Variants in VGLL4 observed in about 807,000 individuals in gnomAD.
VGLL4 encodes vestigial like family member 4, also known as transcription cofactor vestigial-like protein 4.
In VGLL4, 7 loss-of-function variants were observed where a neutral mutation model predicts 21.0. The ratio of observed to expected loss-of-function variants is 0.33; its 90% CI spans 0.19 to 0.63. The LOEUF (loss-of-function observed/expected upper bound fraction) is 0.63. Among genes scored for constraint, VGLL4 ranks in the 20% least tolerant of loss-of-function variants. The pLI, the probability that VGLL4 is intolerant of heterozygous loss-of-function variation, is 0.78. For missense variants in VGLL4, 394 were observed against 425.7 expected, an observed-to-expected ratio of 0.93 and a Z score of 0.66; for synonymous variants, 222 against 173.2, an observed-to-expected ratio of 1.28 and a Z score of -2.21.
At chr3:11,709,677 T>C (rs2076813410) in intron 1 of VGLL4, among the ~76,000 whole-genome samples, 2 of 152,160 alleles carry the variant, frequency 1.3e-5, no homozygotes, top group Non-Finnish European at 2.9e-5. Flanking sequence ...TCATATGTTC[T>C]TCCAAATAAC....
At chr3:11,578,591 ACT>A (rs556519877) in intron 2 of VGLL4, among the ~76,000 whole-genome samples, 68 of 149,808 alleles carry the variant, frequency 4.5e-4, no homozygotes, top group African/African-American at 1.6e-3. Flanking sequence ...GAACTCAGAA[ACT>A]CTGCAAAAAA....
chr3:11,661,435 T>TTTTATTTATTTATTTA (rs56380247), intron 2 of VGLL4, among the ~76,000 whole-genome samples: 42 of 148,120 alleles, frequency 2.8e-4, no homozygotes, highest in South Asian at 4.3e-4. Context: ...ACATTTTTCC[T>TTTTATTTATTTATTTA]TTTATTTATT....
intron 2 of VGLL4, among the ~76,000 whole-genome samples, chr3:11,569,125 A>G (rs998620301): frequency 6.6e-6 from 1 of 152,192 alleles, no homozygotes; most frequent in African/African-American, 2.4e-5. Context: ...CCATCACGTG[A>G]AAGAAGTGCA....
intron 1 of VGLL4, among the ~76,000 whole-genome samples, chr3:11,717,936 T>C (rs1225617568): frequency 6.6e-6 from 1 of 152,184 alleles, no homozygotes; most frequent in Non-Finnish European, 1.5e-5. Context: ...ATAAATCTAG[T>C]CAGTGACACT....
At chr3:11,710,830 T>C (rs1337702235) in intron 1 of VGLL4, among the ~76,000 whole-genome samples, 3 of 152,320 alleles carry the variant, frequency 2.0e-5, no homozygotes, top group African/African-American at 7.2e-5. Context: ...CTGGGCACCG[T>C]GGCTCATGCA....
chr3:11,671,132 G>A (rs974471396), intron 2 of VGLL4: 13 of 1,074,648 alleles, frequency 1.2e-5, no homozygotes, highest in Non-Finnish European at 1.7e-5. Context: ...CACAAAAAGT[G>A]TTTTCATGAA....
chr3:11,665,614 G>C (rs190515734), intron 2 of VGLL4, among the ~76,000 whole-genome samples: 68 of 152,326 alleles, frequency 4.5e-4, no homozygotes, highest in African/African-American at 1.6e-3. Context: ...AGGAAGCCAA[G>C]TCCTGACCAT....
At chr3:11,618,812 A>G (rs1049037255) in intron 1 of VGLL4, among the ~76,000 whole-genome samples, 5 of 152,234 alleles carry the variant, frequency 3.3e-5, no homozygotes, top group African/African-American at 1.2e-4. Context: ...TGTGAAGGTG[A>G]AGGAGGTTTC....
In VGLL4 at chr3:11,565,063, C is replaced by T. The variant is rs2073401998; in HGVS notation, c.273-44G>A. ...CATTCAGGGGGCGTTTTCTCAAAGG[C>T]AAAGGGGACAGTGACTGTGCGCCAG... is the stretch of plus-strand genomic sequence containing the variant. On this transcript the variant is annotated intron_variant, in intron 2 of 4. Coordinates refer to ENST00000430365, the MANE Select transcript of VGLL4 (RefSeq NM_001128219.3). The surrounding 1 kb of genome is among the most constrained non-coding windows in gnomAD (Gnocchi z 4.1). The T allele has an allele frequency of 6.9e-7, 1 of 1,450,622 alleles. No homozygotes were observed. The highest frequency in any genetic ancestry group is 1.5e-5 in the African/African-American group (1 of 68,462). The allele number at this position is 1,450,622 out of a possible 1,614,324, so 89.9% of individuals were successfully genotyped here. A position where few individuals can be genotyped will look rare whatever the true frequency, so the allele number is the denominator to read the frequency against.
intron 2 of VGLL4, among the ~76,000 whole-genome samples, chr3:11,588,329 A>G (rs971721829): frequency 3.3e-5 from 5 of 152,214 alleles, no homozygotes; most frequent in South Asian, 4.1e-4. Flanking sequence ...CGTTTTACAC[A>G]AAGTAGTATT....
chr3:11,601,376 G>A lies in VGLL4; in HGVS notation c.272+457C>T, dbSNP rs902358565. The stretch of plus-strand genomic sequence containing the variant: ...AGGTGGGATGAACACTTCTTCGTGT[G>A]TACAATCCTAGACTCCTGAGTAAGA... On this transcript the variant is annotated intron_variant, in intron 2 of 4. Transcript: ENST00000430365. Among the ~76,000 whole-genome samples, 65 of 152,154 alleles carry A rather than the reference G, an allele frequency of 4.3e-4. 2 individuals carry two copies. The highest frequency in any genetic ancestry group is 1.2e-4 in the Non-Finnish European group (8 of 68,012).
intron 2 of VGLL4, among the ~76,000 whole-genome samples, chr3:11,649,198 T>C (rs533076045): frequency 1.3e-5 from 2 of 152,310 alleles, no homozygotes; most frequent in South Asian, 4.1e-4. Context: ...TAATCTATAA[T>C]GACATGAGGA....
At chr3:11,597,878 T>C (rs917504581) in intron 2 of VGLL4, among the ~76,000 whole-genome samples, 22 of 152,134 alleles carry the variant, frequency 1.4e-4, no homozygotes, top group African/African-American at 5.3e-4. Flanking sequence ...AAAAAATTAA[T>C]AATGAGTTCA....
At chr3:11,588,206 A>T (rs1269830078) in intron 2 of VGLL4, among the ~76,000 whole-genome samples, 1 of 152,218 alleles carries the variant, frequency 6.6e-6, no homozygotes, top group Non-Finnish European at 1.5e-5. Flanking sequence ...GGTGTCAGGC[A>T]CTGGGAGGGT....
chr3:11,705,238 G>C (rs2076742303), intron 1 of VGLL4, among the ~76,000 whole-genome samples: 1 of 152,226 alleles, frequency 6.6e-6, no homozygotes, highest in African/African-American at 2.4e-5. Flanking sequence ...ATAGAGCTCG[G>C]GAAGCTGAGC....
intron 2 of VGLL4, among the ~76,000 whole-genome samples, chr3:11,665,306 G>C (rs980353802): frequency 5.3e-5 from 8 of 151,616 alleles, no homozygotes; most frequent in Non-Finnish European, 7.4e-5. Context: ...GTAGAGACGG[G>C]GTTTCACCGT....
chr3:11,563,500 A>G (rs1575364915), intron 3 of VGLL4, among the ~76,000 whole-genome samples: 1 of 152,252 alleles, frequency 6.6e-6, no homozygotes, highest in African/African-American at 2.4e-5. Context: ...CATTTCCCCA[A>G]TTAGACTGGG....
At chr3:11,657,801 C>T (rs553573563) in intron 2 of VGLL4, among the ~76,000 whole-genome samples, 18 of 152,244 alleles carry the variant, frequency 1.2e-4, no homozygotes, top group African/African-American at 4.1e-4. Context: ...AATGCCTGTG[C>T]CCTATGGTAC....
intron 2 of VGLL4, among the ~76,000 whole-genome samples, chr3:11,697,186 T>G (rs2076616932): frequency 6.6e-6 from 1 of 151,992 alleles, no homozygotes; most frequent in Non-Finnish European, 1.5e-5. Context: ...CTGCAGCCTT[T>G]AACTCCTGGG....
Sources: allele counts gnomAD v4.1 joint callset (sites outside exome capture counted in the v4.1 genomes callset), GRCh38; gene constraint gnomAD v4.1.1; non-coding constraint Gnocchi (gnomAD v3.1); transcripts MANE v1.5; gene names NCBI Gene and HGNC (gene_info 2026-07-23, HGNC 2026-07-21).